CKAP5: variants seen among roughly 807,000 people sequenced by gnomAD.
CKAP5 encodes cytoskeleton associated protein 5, also known as cytoskeleton-associated protein 5.
CKAP5 carries 27 observed loss-of-function variants against 232.8 expected under a neutral mutation model. That is an observed-to-expected ratio of 0.12 (90% CI 0.09 to 0.16). CKAP5 has a LOEUF of 0.16. Among genes scored for constraint, CKAP5 ranks in the 10% least tolerant of loss-of-function variants. The pLI is 1.00. For synonymous variants in CKAP5, 785 were observed against 841.1 expected, an observed-to-expected ratio of 0.93 and a Z score of 1.16; for missense variants, 1,838 against 2,424.7, an observed-to-expected ratio of 0.76 and a Z score of 5.08.
At chr11:46,842,689 C>T (rs982352675) in intron 1 of CKAP5, among the ~76,000 whole-genome samples, 2 of 152,028 alleles carry the variant, frequency 1.3e-5, no homozygotes. Context: ...TAAGGTAGGC[C>T]GGGCGCGGTG....
At chr11:46,821,360 C>T (rs1445337068) in intron 1 of CKAP5, 92 bp from the exon 2 acceptor site, 4 of 554,712 alleles carry the variant, frequency 7.2e-6, no homozygotes, top group African/African-American at 4.0e-5. Flanking sequence ...ATCATTCATG[C>T]AACAACAAGA....
At chr11:46,758,771 G>A (rs1256292669) in intron 35 of CKAP5, 152 bp downstream of exon 35, 7 of 758,770 alleles carry the variant, frequency 9.2e-6, no homozygotes, top group African/African-American at 3.6e-5. Flanking sequence ...GGCAAGTGAT[G>A]ACTGAGTGGC....
intron 26 of CKAP5, 140 bp from the exon 27 acceptor site, chr11:46,767,803 T>C: frequency 3.7e-6 from 2 of 547,054 alleles, no homozygotes. Context: ...TTAGTTTTTT[T>C]TTTATGAGAC....
intron 15 of CKAP5, 84 bp from the exon 16 acceptor site, chr11:46,788,857 T>C (rs1237928178): frequency 1.1e-5 from 10 of 949,378 alleles, no homozygotes; most frequent in Non-Finnish European, 1.6e-5. Context: ...AAGTAAGTGG[T>C]TACCTCTGAA....
At chr11:46,753,986 T>C (rs2134576354) in intron 36 of CKAP5, among the ~76,000 whole-genome samples, 1 of 152,212 alleles carries the variant, frequency 6.6e-6, no homozygotes, top group East Asian at 1.9e-4. Flanking sequence ...ATCGGTGTGC[T>C]TCTAATTGTG....
At chr11:46,752,282 T>C (rs1346527104) in intron 38 of CKAP5, among the ~76,000 whole-genome samples, 1 of 145,186 alleles carries the variant, frequency 6.9e-6, no homozygotes, top group Non-Finnish European at 1.5e-5. Context: ...ATATAATACA[T>C]ATATACATAT....
At position 46,759,009 on chromosome 11, in the gene CKAP5, G is replaced by C. The variant is rs767411800; in HGVS notation, c.4603C>G (p.His1535Asp). ...TTGATTGTGGATGCTGTATTACTGT[G>C]CATGTCATCGAAGTGTGGAGAAACA... is the stretch of plus-strand genomic sequence containing the variant. The part of the protein sequence containing the change: ...RAVSPHFDDM[H>D]SNTASTINFI... The change falls in exon 35 of 44, where the codon CAC becomes GAC. Residue 1535 changes from histidine to aspartate, a missense_variant. Physicochemically the swap from His to Asp is moderately conservative, Grantham distance 81. Transcript: ENST00000529230. 1 of 1,613,184 alleles carries C rather than the reference G, an allele frequency of 6.2e-7. No homozygotes were observed. Among genetic ancestry groups the C allele is most frequent in the African/African-American group, 1.3e-5 (1 of 74,634 alleles).
rs1448142539 is a variant in CKAP5, at chr11:46,770,779, A to T, written c.3186+9T>A. 11 of 1,611,640 alleles carry T rather than the reference A, an allele frequency of 6.8e-6. No homozygotes were observed. The highest frequency in any genetic ancestry group is 1.3e-5 in the African/African-American group (1 of 74,840). On this transcript the variant is annotated intron_variant, in intron 25 of 43. Transcript: ENST00000529230. ...TTTTAACAGCAGTAGCAGCAACAAG[A>T]AGTAGTACCTTTAGTTTCCCAGTAG...
In CKAP5 at chr11:46,818,321, A is replaced by G. The variant is rs192461119; in HGVS notation, c.240T>C (p.His80=). The G allele has an allele frequency of 7.6e-6, 12 of 1,588,352 alleles. No homozygotes were observed. In the Admixed American group the frequency reaches 9.3e-5, roughly 12 times the overall value. Residue 80 remains histidine, a synonymous_variant, in exon 3 of 44, where the codon CAT becomes CAC. Transcript: ENST00000529230. ...AAGAAAGTACTTACTTTCCTGCTAC[A>G]TGGGCATTTTCAACATAAACAAGTG... ...EAALVYVENA[H]VAGKTTGEVV...
intron 9 of CKAP5, among the ~76,000 whole-genome samples, chr11:46,799,811 C>A (rs1334750987): frequency 6.6e-6 from 1 of 152,112 alleles, no homozygotes; most frequent in Admixed American, 6.5e-5. Context: ...CCAGCCTGGG[C>A]AAGGTGGCAA....
intron 12 of CKAP5, among the ~76,000 whole-genome samples, chr11:46,796,132 T>G (rs1286973855): frequency 7.4e-6 from 1 of 135,272 alleles, no homozygotes; most frequent in Non-Finnish European, 1.5e-5. Context: ...GCCACTGCAC[T>G]CCAGCCTGGG....
rs768394589 is a variant in CKAP5 at position 46,755,065 on chromosome 11, G to T, written c.4692C>A (p.Ile1564=). The T allele has an allele frequency of 8.2e-6, 13 of 1,593,570 alleles. No individual in the cohort carries two copies. Among genetic ancestry groups the T allele is most frequent in the Non-Finnish European group, 1.1e-5 (13 of 1,172,248 alleles). The change falls in exon 36 of 44, where the codon ATC becomes ATA. Residue 1564 remains isoleucine, a splice_region_variant and synonymous_variant. Transcript: ENST00000529230. ...TGTCTTCCTGTCTCAGGACCTCATC[G>T]ATCTGATAACAAAAATTTCAAGATA... ...INTSIQALTQ[I]DEVLRQEDKA... is the part of the protein sequence containing the mutation.
At chr11:46,785,844 C>T (rs2065387062) in intron 16 of CKAP5, among the ~76,000 whole-genome samples, 1 of 152,112 alleles carries the variant, frequency 6.6e-6, no homozygotes, top group Admixed American at 6.5e-5. Context: ...ACTTGGGAGG[C>T]TGAGGTGGGA....
chr11:46,823,297 G>A (rs1225373516), intron 1 of CKAP5, among the ~76,000 whole-genome samples: 2 of 152,000 alleles, frequency 1.3e-5, no homozygotes, highest in Non-Finnish European at 2.9e-5. Flanking sequence ...TGTGTAAACT[G>A]CAGAAAATTT....
intron 1 of CKAP5, among the ~76,000 whole-genome samples, chr11:46,826,134 G>A (rs543923068): frequency 1.3e-5 from 2 of 152,250 alleles, no homozygotes; most frequent in East Asian, 1.9e-4. Flanking sequence ...GGACAGTGGC[G>A]TCCCACAAAT....
chr11:46,810,198 C>G (rs1257676253), intron 5 of CKAP5, among the ~76,000 whole-genome samples: 1 of 152,144 alleles, frequency 6.6e-6, no homozygotes, highest in Admixed American at 6.6e-5. Flanking sequence ...TCTTGAACTT[C>G]TGACCTCAGG....
intron 32 of CKAP5, 61 bp downstream of exon 32, chr11:46,761,939 A>C: frequency 7.2e-7 from 1 of 1,391,236 alleles, no homozygotes; most frequent in Non-Finnish European, 1.0e-6. Flanking sequence ...GAAACCTAAC[A>C]CCTAGGAGAT....
In CKAP5 at chr11:46,809,308, G is replaced by T. The variant is rs919674630; in HGVS notation, c.864+92C>A. On this transcript the variant is annotated intron_variant, in intron 7 of 43. Transcript: ENST00000529230. ...TAGGGAAGATATGGGATGGAAGGGG[G>T]TGCATCAGGCAAGGGCTCAGCAGAG... 5.2e-6 allele frequency: 4 copies of T among 773,800 alleles called. No individual in the cohort carries two copies. The Admixed American group carries it at 7.7e-5, about 15-fold the overall frequency. The allele number at this position is 773,800 out of a possible 1,614,324, so 47.9% of individuals were successfully genotyped here.
At chr11:46,756,386 CA>C (rs2065110742) in intron 35 of CKAP5, among the ~76,000 whole-genome samples, 1 of 151,624 alleles carries the variant, frequency 6.6e-6, no homozygotes, top group South Asian at 2.1e-4. Flanking sequence ...AAAAAACCTG[CA>C]AAGGTGAAAA....
Sources: gnomAD v4.1 joint callset for allele counts (sites outside exome capture counted in the v4.1 genomes callset) on GRCh38, gnomAD v4.1.1 for gene constraint, MANE v1.5 for transcripts, NCBI Gene and HGNC (gene_info 2026-07-23, HGNC 2026-07-21) for gene names.